Variants in FRMD6 observed in about 807,000 individuals in gnomAD.
FRMD6 encodes the protein FERM domain-containing protein 6.
A neutral mutation model predicts 73.2 loss-of-function variants in FRMD6; 37 were observed. That is an observed-to-expected ratio of 0.51 (90% confidence interval 0.39 to 0.66). The LOEUF (loss-of-function observed/expected upper bound fraction) is 0.66, where lower values mean the gene tolerates loss of function less well. FRMD6 is among the 30% of genes least tolerant of loss of function. The probability of loss-of-function intolerance (pLI) is 0.00; values close to 1 mark genes in which losing one functional copy is unlikely to be tolerated. For synonymous variants in FRMD6, 273 were observed against 282.2 expected (o/e 0.97, Z 0.33); for missense variants, 714 against 780.5 (o/e 0.91, Z 1.02).
intron 1 of FRMD6, among the ~76,000 whole-genome samples, chr14:51,660,769 G>C (rs1021090345): frequency 1.3e-5 from 2 of 152,148 alleles, no homozygotes; most frequent in Non-Finnish European, 2.9e-5. Flanking sequence ...GAGTGCTGGG[G>C]GAGGGAGGCA....
At chr14:51,619,111 G>A (rs1890823700) in intron 2 of FRMD6, among the ~76,000 whole-genome samples, 1 of 151,900 alleles carries the variant, frequency 6.6e-6, no homozygotes, top group African/African-American at 2.4e-5. Flanking sequence ...AGTGTTTCAT[G>A]ACATAAGTTT....
At chr14:51,458,863 G>C in the FRMD6 span, among the ~76,000 whole-genome samples, 3 of 152,122 alleles carry the variant, frequency 2.0e-5, no homozygotes, top group African/African-American at 7.2e-5. Context: ...AAATGAAGGA[G>C]GGTACTTACT....
At chr14:51,666,586 TAAC>T (rs1893609980) in intron 1 of FRMD6, among the ~76,000 whole-genome samples, 3 of 152,240 alleles carry the variant, frequency 2.0e-5, no homozygotes, top group African/African-American at 4.8e-5. Context: ...CTGAATTCCT[TAAC>T]TTTCTCATAT....
intron 1 of FRMD6, among the ~76,000 whole-genome samples, chr14:51,496,097 C>T (rs900272796): frequency 6.6e-6 from 1 of 152,166 alleles, no homozygotes; most frequent in Non-Finnish European, 1.5e-5. Context: ...TCCTCTCTCA[C>T]ACTCTTGGAT....
At chr14:51,496,319 T>C (rs1352208521) in intron 1 of FRMD6, among the ~76,000 whole-genome samples, 1 of 152,202 alleles carries the variant, frequency 6.6e-6, no homozygotes, top group African/African-American at 2.4e-5. Flanking sequence ...CACCCCAAAA[T>C]ATAGTGGCTG....
At chr14:51,400,272 C>T in the FRMD6 span, among the ~76,000 whole-genome samples, 1 of 152,200 alleles carries the variant, frequency 6.6e-6, no homozygotes, top group Admixed American at 6.5e-5. Context: ...TTTCCTTCCC[C>T]ATCTACCGCT....
rs763360286 is a variant in FRMD6, at chr14:51,698,191, G to A, written c.149G>A (p.Arg50Lys). 4.3e-6 allele frequency: 7 copies of A among 1,612,492 alleles called. No homozygotes were observed. In the African/African-American group the frequency reaches 8.0e-5, roughly 18 times the overall value. Reference protein sequence around the residue: ...QLLVQVCDLLRLKDCHLFGLS... With the variant: ...QLLVQVCDLLKLKDCHLFGLS... ...CTGGTCCAGGTTTGTGACCTGCTCA[G>A]GCTAAAGGACTGCCACCTCTTTGGA... is the stretch of plus-strand genomic sequence containing the variant. The change falls in exon 3 of 14, where the codon AGG becomes AAG. Residue 50 changes from arginine to lysine, a missense_variant. Transcript: ENST00000344768.
intron 4 of FRMD6, 53 bp from the exon 5 acceptor site, chr14:51,702,459 A>AT: frequency 6.7e-7 from 1 of 1,483,656 alleles, no homozygotes; most frequent in Non-Finnish European, 9.4e-7. Flanking sequence ...TTTGAAACCC[A>AT]TTTTCAAAGT....
intron 9 of FRMD6, chr14:51,714,829 T>G (rs1159081750): frequency 1.3e-5 from 2 of 152,306 alleles, no homozygotes; most frequent in Non-Finnish European, 2.9e-5. Flanking sequence ...TATAGCTCCA[T>G]GAGGGTAGGA....
intron 2 of FRMD6, among the ~76,000 whole-genome samples, chr14:51,628,946 G>T (rs1295619098): frequency 7.8e-6 from 1 of 128,032 alleles, no homozygotes; most frequent in South Asian, 2.6e-4. Context: ...ACGCAATCTC[G>T]GCTCACTGCA....
intron 1 of FRMD6, among the ~76,000 whole-genome samples, chr14:51,660,641 C>T (rs991537335): frequency 3.4e-5 from 5 of 146,416 alleles, no homozygotes; most frequent in Admixed American, 1.4e-4. Flanking sequence ...ATTCTGCCTT[C>T]GTGGACCTTA....
At chr14:51,511,711 C>T (rs1289884962) in intron 1 of FRMD6, among the ~76,000 whole-genome samples, 2 of 152,042 alleles carry the variant, frequency 1.3e-5, no homozygotes, top group Non-Finnish European at 2.9e-5. Context: ...GGGAATATCA[C>T]ACACCGGGGC....
At chr14:51,443,134 A>G in the FRMD6 span, among the ~76,000 whole-genome samples, 1 of 152,220 alleles carries the variant, frequency 6.6e-6, no homozygotes. Flanking sequence ...CAGGACACAC[A>G]CATAGTTCAA....
chr14:51,438,545 AT>A, the FRMD6 span, among the ~76,000 whole-genome samples: 2 of 152,140 alleles, frequency 1.3e-5, no homozygotes, highest in Non-Finnish European at 2.9e-5. Context: ...CTAACTTCAT[AT>A]TTTTTGATAC....
At chr14:51,447,427 A>G in the FRMD6 span, among the ~76,000 whole-genome samples, 4 of 152,154 alleles carry the variant, frequency 2.6e-5, no homozygotes, top group Admixed American at 2.6e-4. Context: ...AAGCCTGAAC[A>G]CCAGGAAGAC....
At chr14:51,547,489 A>C (rs548822275) in intron 1 of FRMD6, among the ~76,000 whole-genome samples, 130 of 152,246 alleles carry the variant, frequency 8.5e-4, no homozygotes, top group Non-Finnish European at 1.4e-3. Flanking sequence ...TTGTATGTGG[A>C]TTCTGTAATA....
intron 1 of FRMD6, among the ~76,000 whole-genome samples, chr14:51,539,851 A>C (rs190327792): frequency 4.6e-5 from 7 of 152,270 alleles, no homozygotes; most frequent in Admixed American, 4.6e-4. Context: ...GGGGGAGTAG[A>C]GGAAGGTGGG....
chr14:51,690,119 TCAA>T (rs1304332589), intron 2 of FRMD6, among the ~76,000 whole-genome samples, 184 bp downstream of exon 2: 1 of 152,220 alleles, frequency 6.6e-6, no homozygotes, highest in African/African-American at 2.4e-5. Context: ...GCAGCTGCCT[TCAA>T]CATTCTCTCA....
At chr14:51,538,230 CTG>C (rs1222222651) in intron 1 of FRMD6, among the ~76,000 whole-genome samples, 2 of 152,036 alleles carry the variant, frequency 1.3e-5, no homozygotes, top group African/African-American at 2.4e-5. Context: ...TGTGTTAACT[CTG>C]TACATTTTAA....
Sources: gnomAD v4.1 joint callset for allele counts (sites outside exome capture counted in the v4.1 genomes callset) on GRCh38, gnomAD v4.1.1 for gene constraint, MANE v1.5 for transcripts, NCBI Gene and HGNC (gene_info 2026-07-23, HGNC 2026-07-21) for gene names.